THSD7B: variants seen among roughly 807,000 people sequenced by gnomAD.
The protein encoded by THSD7B is thrombospondin type-1 domain-containing protein 7B.
THSD7B carries 138 observed loss-of-function variants against 213.6 expected under a neutral mutation model. The ratio of observed to expected loss-of-function variants is 0.65; its 90% CI spans 0.56 to 0.74. The LOEUF (loss-of-function observed/expected upper bound fraction) is 0.74, where lower values mean the gene tolerates loss of function less well. Ranked by LOEUF, THSD7B falls within the 30% of genes least tolerant of loss-of-function variation. THSD7B has a pLI of 0.00. For missense variants in THSD7B, 1,931 were observed against 1,991.5 expected, an observed-to-expected ratio of 0.97 and a Z score of 0.58; for synonymous variants, 742 against 687.0, an observed-to-expected ratio of 1.08 and a Z score of -1.25.
At chr2:137,482,215 T>C (rs1386668065) in intron 15 of THSD7B, among the ~76,000 whole-genome samples, 2 of 148,878 alleles carry the variant, frequency 1.3e-5, no homozygotes, top group African/African-American at 4.9e-5. Context: ...GGTTTAGCCA[T>C]AGATTAATTT....
intron 15 of THSD7B, among the ~76,000 whole-genome samples, chr2:137,481,361 A>G (rs1040172206): frequency 9.2e-5 from 14 of 152,212 alleles, no homozygotes; most frequent in African/African-American, 3.4e-4. Flanking sequence ...TTAGTTTTAT[A>G]TCTATGACAG....
At chr2:137,151,970 G>A (rs1025715111) in intron 5 of THSD7B, among the ~76,000 whole-genome samples, 6 of 150,988 alleles carry the variant, frequency 4.0e-5, no homozygotes, top group Admixed American at 1.3e-4. Context: ...CTTTGCACCC[G>A]GTTGCCACTC....
chr2:136,806,825 T>C (rs1682291090), intron 1 of THSD7B, among the ~76,000 whole-genome samples: 1 of 152,258 alleles, frequency 6.6e-6, no homozygotes. Flanking sequence ...TTAGTCTTCA[T>C]GCCTCCTTAG....
chr2:136,872,607 T>A (rs979928138), intron 1 of THSD7B, among the ~76,000 whole-genome samples: 1 of 151,454 alleles, frequency 6.6e-6, no homozygotes, highest in African/African-American at 2.4e-5. Context: ...TTCTTCCTTT[T>A]TCTTTCTTCT....
chr2:136,793,370 G>A (rs951610319), intron 1 of THSD7B, among the ~76,000 whole-genome samples: 1 of 151,924 alleles, frequency 6.6e-6, no homozygotes, highest in Admixed American at 6.6e-5. Flanking sequence ...TTTTCCATTG[G>A]TGTATCTCCT....
intron 15 of THSD7B, among the ~76,000 whole-genome samples, chr2:137,495,065 T>C (rs955015213): frequency 2.0e-5 from 3 of 152,208 alleles, no homozygotes; most frequent in Admixed American, 1.3e-4. Context: ...TAATTGTTTG[T>C]TGTTTGTCTG....
chr2:137,594,346 T>G (rs1268171027), intron 17 of THSD7B, among the ~76,000 whole-genome samples: 2 of 151,986 alleles, frequency 1.3e-5, no homozygotes, highest in African/African-American at 4.8e-5. Context: ...TTTGAGAGTC[T>G]CGGGTGCAAG....
chr2:136,996,306 C>T (rs12617522), intron 2 of THSD7B, among the ~76,000 whole-genome samples: 76,916 of 151,352 alleles, frequency 0.51, 21,234 homozygotes, highest in African/African-American at 0.72. Context: ...TCTCTCTGTC[C>T]CTGTCTCTTT....
rs1684593088 is a variant in THSD7B, at chr2:136,929,392, A to G, written c.139+47075A>G. Among the ~76,000 whole-genome samples, 3 of 152,180 alleles carry G rather than the reference A, an allele frequency of 2.0e-5. No individual in the cohort carries two copies. The South Asian group carries it at 6.2e-4, about 31-fold the overall frequency. ...CTTCTGCAGCTTTCTACATAAATCA[A>G]TCAATAGTATTAAAGTACGTACATC... On this transcript the variant is annotated intron_variant, in intron 2 of 27. Transcript: ENST00000409968.
In THSD7B at chr2:137,559,767, T is replaced by C. The variant is rs538114319; in HGVS notation, c.3139-3454T>C. On this transcript the variant is annotated intron_variant, in intron 15 of 27. Transcript: ENST00000409968. ...CACAGCAAAAGAAACTACCATCCAATTGAACAGGCAACCTACAGAATGGGA... is the reference window on the plus strand; with the variant it reads ...CACAGCAAAAGAAACTACCATCCAACTGAACAGGCAACCTACAGAATGGGA... Among the ~76,000 whole-genome samples the C allele has an allele frequency of 5.9e-5, 9 of 152,168 alleles. No individual in the cohort carries two copies. In the South Asian group the frequency reaches 1.9e-3, roughly 32 times the overall value.
chr2:137,073,834 C>T (rs1454389063), intron 3 of THSD7B, among the ~76,000 whole-genome samples: 2 of 152,158 alleles, frequency 1.3e-5, no homozygotes, highest in East Asian at 1.9e-4. Context: ...GCCTTCAGTT[C>T]GTTATTTACC....
Position 137,583,852 on chromosome 2 carries a change from T to A in THSD7B, c.3423+11296T>A, listed in dbSNP as rs1466855581. 2.0e-5 allele frequency among the ~76,000 whole-genome samples: 3 copies of A among 152,364 alleles called. No homozygotes were observed. The South Asian group carries it at 6.2e-4, about 32-fold the overall frequency. Reference sequence around the variant, plus strand: ...TTTTGGTTCCATATGAACTTTAAAGTAGTTTTTTCCAATTCTGTGAAGAAA... The same window carrying A: ...TTTTGGTTCCATATGAACTTTAAAGAAGTTTTTTCCAATTCTGTGAAGAAA... On this transcript the variant is annotated intron_variant, in intron 17 of 27. Transcript: ENST00000409968.
rs531874998 is a variant in THSD7B, at chr2:137,467,716, A to G, written c.3138+16693A>G. 6.6e-5 allele frequency among the ~76,000 whole-genome samples: 10 copies of G among 152,254 alleles called. No homozygotes were observed. The East Asian group carries it at 1.7e-3, about 27-fold the overall frequency. On this transcript the variant is annotated intron_variant, in intron 15 of 27. Coordinates refer to ENST00000409968, the MANE Select transcript of THSD7B (RefSeq NM_001316349.2). ...CACATATCAGAAAGTCTCATCTGCA[A>G]TGGAAAAATTGGCCTAATACTTTCT...
chr2:137,497,529 T>C (rs932228455), intron 15 of THSD7B, among the ~76,000 whole-genome samples: 1 of 152,046 alleles, frequency 6.6e-6, no homozygotes. Flanking sequence ...CTTTCCAAGA[T>C]AGAATATAGC....
In THSD7B at chr2:136,933,350, A is replaced by G. The variant is rs150250374; in HGVS notation, c.139+51033A>G. Among the ~76,000 whole-genome samples the G allele has an allele frequency of 8.4e-3, 1,285 of 152,202 alleles. 20 individuals carry two copies. The highest frequency in any genetic ancestry group is 0.03 in the African/African-American group (1,230 of 41,538). On this transcript the variant is annotated intron_variant, in intron 2 of 27. Coordinates refer to ENST00000409968, the MANE Select transcript of THSD7B (RefSeq NM_001316349.2). The stretch of plus-strand genomic sequence containing the variant: ...AGCGCTTTGGGAGGCCCAGGTGGGC[A>G]GATCACCTGAGGTCAGGAGTTCAAG...
At chr2:136,951,456 A>G (rs1032700851) in intron 2 of THSD7B, among the ~76,000 whole-genome samples, 3 of 152,232 alleles carry the variant, frequency 2.0e-5, no homozygotes, top group African/African-American at 7.2e-5. Context: ...ATTCATTTAT[A>G]TACCTAAACT....
At chr2:137,384,014 G>A (rs965052849) in intron 12 of THSD7B, among the ~76,000 whole-genome samples, 4 of 152,138 alleles carry the variant, frequency 2.6e-5, no homozygotes, top group African/African-American at 9.7e-5. Flanking sequence ...AAAATCTCAT[G>A]GGACCTTCTT....
At chr2:137,546,395 T>TA (rs1480170788) in intron 15 of THSD7B, among the ~76,000 whole-genome samples, 2 of 33,294 alleles carry the variant, frequency 6.0e-5, no homozygotes, top group Non-Finnish European at 9.3e-5. Context: ...ATTATATATA[T>TA]TATATATATT....
chr2:137,669,755 A>G (rs910244648), intron 27 of THSD7B, among the ~76,000 whole-genome samples: 1 of 152,220 alleles, frequency 6.6e-6, no homozygotes, highest in African/African-American at 2.4e-5. Flanking sequence ...TCTAGATTCT[A>G]TGGTTCCCAT....
Sources: gnomAD v4.1 joint callset for allele counts (sites outside exome capture counted in the v4.1 genomes callset) on GRCh38, gnomAD v4.1.1 for gene constraint, MANE v1.5 for transcripts, NCBI Gene and HGNC (gene_info 2026-07-23, HGNC 2026-07-21) for gene names.